Variants in DTNA observed in about 807,000 individuals in gnomAD.
The protein encoded by DTNA is dystrophin-related protein 3.
A neutral mutation model predicts 100.7 loss-of-function variants in DTNA; 43 were observed. The observed-to-expected ratio is 0.43, with a 90% confidence interval of 0.33 to 0.55. DTNA has a LOEUF of 0.55. Among genes scored for constraint, DTNA ranks in the 20% least tolerant of loss-of-function variants. DTNA has a pLI of 0.04. For synonymous variants in DTNA, 349 were observed against 347.9 expected (o/e 1.00, Z -0.04); for missense variants, 798 against 953.9 (o/e 0.84, Z 2.15).
chr18:34,627,660 G>C (rs998631125), intron 1 of DTNA, among the ~76,000 whole-genome samples: 2 of 152,024 alleles, frequency 1.3e-5, no homozygotes, highest in African/African-American at 4.8e-5. Flanking sequence ...AGTGTTCTTT[G>C]TCCTTTGCCT....
At chr18:34,825,152 A>C in intron 9 of DTNA, 1 of 1,385,684 alleles carries the variant, frequency 7.2e-7, no homozygotes, top group Non-Finnish European at 1.0e-6. Context: ...CTTAAATAGA[A>C]ATGAGCAGGT....
rs1415762268 is a variant in DTNA, at chr18:34,889,671, A to G, written c.*1937A>G. The G allele has an allele frequency of 4.1e-6, 4 of 985,740 alleles. No homozygotes were observed. The highest frequency in any genetic ancestry group is 6.2e-5 in the Admixed American group (1 of 16,258). The allele number at this position is 985,740 out of a possible 1,614,324, so 61.1% of individuals were successfully genotyped here. ...ATCTCCTTGGCTGCCCTTTGAAACC[A>G]AATCACTTGCCTTGGGGATAAAGTG... On this transcript the variant is annotated 3_prime_UTR_variant, in exon 23 of 23. Coordinates refer to ENST00000444659, the MANE Select transcript of DTNA (RefSeq NM_001386795.1).
chr18:34,834,021 A>C (rs986086702), intron 11 of DTNA, among the ~76,000 whole-genome samples: 1 of 152,238 alleles, frequency 6.6e-6, no homozygotes, highest in African/African-American at 2.4e-5. Flanking sequence ...AAAGAATTAG[A>C]AACTTAATTT....
chr18:34,739,572 G>T (rs1037453096), intron 1 of DTNA, among the ~76,000 whole-genome samples: 1 of 152,154 alleles, frequency 6.6e-6, no homozygotes, highest in African/African-American at 2.4e-5. Flanking sequence ...CAAACTCCAA[G>T]TCTCTCATTC....
chr18:34,520,039 G>A (rs886623451), intron 1 of DTNA, among the ~76,000 whole-genome samples: 1 of 152,128 alleles, frequency 6.6e-6, no homozygotes, highest in African/African-American at 2.4e-5. Flanking sequence ...TGTTCTTTGA[G>A]GTACAGTGGC....
intron 1 of DTNA, among the ~76,000 whole-genome samples, chr18:34,684,816 C>T (rs971193177): frequency 6.6e-5 from 10 of 152,134 alleles, no homozygotes; most frequent in Non-Finnish European, 7.4e-5. Flanking sequence ...TCGGTTGTTT[C>T]CTGACTTTTC....
At chr18:34,868,792 T>A (rs1278370867) in intron 17 of DTNA, 26 of 971,420 alleles carry the variant, frequency 2.7e-5, no homozygotes, top group Non-Finnish European at 3.2e-5. Flanking sequence ...AAGCAATAAA[T>A]TTTTTTTTAC....
chr18:34,639,787 T>G (rs2059067435), intron 1 of DTNA, among the ~76,000 whole-genome samples: 1 of 152,230 alleles, frequency 6.6e-6, no homozygotes, highest in Non-Finnish European at 1.5e-5. Flanking sequence ...TTTATTTTCC[T>G]TATTCTTATT....
intron 3 of DTNA, among the ~76,000 whole-genome samples, chr18:34,792,225 G>A (rs1330770077): frequency 3.3e-5 from 5 of 151,952 alleles, no homozygotes; most frequent in African/African-American, 1.2e-4. Flanking sequence ...AAATAAGAAT[G>A]TCTGAACAGA....
chr18:34,714,111 C>A (rs1405800130), intron 1 of DTNA, among the ~76,000 whole-genome samples: 1 of 152,044 alleles, frequency 6.6e-6, no homozygotes, highest in African/African-American at 2.4e-5. Flanking sequence ...AAACGTTAGA[C>A]CTAACACCAT....
At chr18:34,774,740 G>A (rs2093956926) in intron 3 of DTNA, among the ~76,000 whole-genome samples, 1 of 152,194 alleles carries the variant, frequency 6.6e-6, no homozygotes. Context: ...CTGTCGAAGA[G>A]TAAAGCAAAA....
At chr18:34,571,948 G>A (rs1029682912) in intron 1 of DTNA, among the ~76,000 whole-genome samples, 1 of 152,064 alleles carries the variant, frequency 6.6e-6, no homozygotes, top group African/African-American at 2.4e-5. Context: ...ATTTTTCTTT[G>A]TATTATAAAA....
chr18:34,540,312 T>C (rs2044127232), intron 1 of DTNA, among the ~76,000 whole-genome samples: 2 of 152,006 alleles, frequency 1.3e-5, no homozygotes, highest in African/African-American at 4.8e-5. Flanking sequence ...AACACAAGCA[T>C]GCAAGCCATA....
intron 1 of DTNA, among the ~76,000 whole-genome samples, chr18:34,753,366 A>ATTTTT (rs757853063): frequency 2.9e-4 from 38 of 133,130 alleles, no homozygotes; most frequent in Middle Eastern, 3.6e-3. Context: ...TATTTATTTT[A>ATTTTT]TTTTTTTTTT....
intron 1 of DTNA, among the ~76,000 whole-genome samples, chr18:34,498,750 A>G (rs1200168308): frequency 3.3e-5 from 5 of 152,108 alleles, no homozygotes; most frequent in African/African-American, 1.2e-4. Context: ...CTATGTGCGT[A>G]TCTTTTCTTG....
intron 1 of DTNA, among the ~76,000 whole-genome samples, chr18:34,573,787 G>T (rs563134644): frequency 6.6e-6 from 1 of 152,248 alleles, no homozygotes; most frequent in Admixed American, 6.5e-5. Context: ...TTGTACACTG[G>T]ATCTTTTGAA....
At chr18:34,877,200 A>C (rs1291104503) in intron 18 of DTNA, among the ~76,000 whole-genome samples, 1 of 152,194 alleles carries the variant, frequency 6.6e-6, no homozygotes, top group Non-Finnish European at 1.5e-5. Context: ...AGTGGTACTT[A>C]CACTGGCAGG....
chr18:34,764,670 G>C (rs1318651135), intron 2 of DTNA, among the ~76,000 whole-genome samples: 1 of 152,232 alleles, frequency 6.6e-6, no homozygotes, highest in Non-Finnish European at 1.5e-5. Context: ...AAATCCCCTA[G>C]TGGGGGACAC....
At chr18:34,832,353 G>C (rs1313319712) in intron 11 of DTNA, among the ~76,000 whole-genome samples, 1 of 151,966 alleles carries the variant, frequency 6.6e-6, no homozygotes, top group Non-Finnish European at 1.5e-5. Flanking sequence ...TAATATGTTA[G>C]ATCTTTCCAA....
Sources: gnomAD v4.1 joint callset for allele counts (sites outside exome capture counted in the v4.1 genomes callset) on GRCh38, gnomAD v4.1.1 for gene constraint, MANE v1.5 for transcripts, NCBI Gene and HGNC (gene_info 2026-07-23, HGNC 2026-07-21) for gene names.